ESR1: variants seen among roughly 807,000 people sequenced by gnomAD.
ESR1 encodes estrogen receptor 1, also known as estrogen receptor.
In ESR1, 12 loss-of-function variants were observed where a neutral mutation model predicts 52.7. That is an observed-to-expected ratio of 0.23 (90% CI 0.15 to 0.37). ESR1 has a LOEUF of 0.37. Ranked by LOEUF, ESR1 falls within the 10% of genes least tolerant of loss-of-function variation. The pLI, the probability that ESR1 is intolerant of heterozygous loss-of-function variation, is 1.00. For synonymous variants in ESR1, 305 were observed against 316.8 expected (o/e 0.96, Z 0.39); for missense variants, 584 against 779.7 (o/e 0.75, Z 2.99).
rs533562164 is a variant in ESR1, at chr6:151,730,741, C to T, written c.-71+28736C>T. Among the ~76,000 whole-genome samples, 10 of 152,248 alleles carry T rather than the reference C, an allele frequency of 6.6e-5. No individual in the cohort carries two copies. The East Asian group carries it at 1.4e-3, about 21-fold the overall frequency. Reference sequence around the variant, plus strand: ...TAGGAACTAGACTGCTTGTGCTTCCCGGGCATGCTGAGGTCTCAAGAATAA... The same window carrying T: ...TAGGAACTAGACTGCTTGTGCTTCCTGGGCATGCTGAGGTCTCAAGAATAA... On this transcript the variant is annotated intron_variant, in intron 2 of 2. Coordinates refer to the ESR1 transcript ENST00000404742.
intron 5 of ESR1, among the ~76,000 whole-genome samples, chr6:152,024,519 T>G (rs2043958051): frequency 6.6e-6 from 1 of 151,642 alleles, no homozygotes; most frequent in Admixed American, 6.6e-5. Context: ...AAGGGGTGCC[T>G]TTTCATTTGT....
At chr6:152,111,050 C>T (rs1257485586) in intron 6 of ESR1, among the ~76,000 whole-genome samples, 2 of 152,128 alleles carry the variant, frequency 1.3e-5, no homozygotes, top group African/African-American at 4.8e-5. Context: ...ACCTTGAAGC[C>T]TGCAGCGGTG....
At chr6:151,926,592 A>T (rs191993641) in intron 3 of ESR1, among the ~76,000 whole-genome samples, 1 of 152,130 alleles carries the variant, frequency 6.6e-6, no homozygotes, top group Admixed American at 6.5e-5. Context: ...TTTATATCTT[A>T]GTATTGAATG....
upstream of ESR1, among the ~76,000 whole-genome samples, chr6:151,689,544 T>G (rs1778819655): frequency 6.6e-6 from 1 of 152,264 alleles, no homozygotes; most frequent in Admixed American, 6.5e-5. Flanking sequence ...TGAAGACAGT[T>G]AAGATCATTG....
chr6:151,782,296 A>T lies in ESR1; in HGVS notation c.-70-25547A>T, dbSNP rs544559486. Among the ~76,000 whole-genome samples the T allele has an allele frequency of 3.3e-5, 5 of 152,380 alleles. No homozygotes were observed. The East Asian group carries it at 9.6e-4, about 29-fold the overall frequency. ...AAATATGAAATAGAAAGTGTTAAAA[A>T]TTATAAAGAAACAAGAATGTGTTTT... On this transcript the variant is annotated intron_variant, in intron 2 of 2. Transcript: ENST00000404742.
intron 4 of ESR1, among the ~76,000 whole-genome samples, chr6:151,969,467 G>A (rs746182212): frequency 6.6e-6 from 1 of 152,222 alleles, no homozygotes; most frequent in African/African-American, 2.4e-5. Context: ...GGGAATGTGT[G>A]TGTGTGTGTG....
At chr6:152,022,503 G>C (rs763617251) in intron 5 of ESR1, among the ~76,000 whole-genome samples, 1 of 152,128 alleles carries the variant, frequency 6.6e-6, no homozygotes, top group Non-Finnish European at 1.5e-5. Flanking sequence ...GAACGAATGT[G>C]ATGACTAGAC....
At chr6:151,706,502 T>A (rs1221483587) in intron 2 of ESR1, among the ~76,000 whole-genome samples, 1 of 151,790 alleles carries the variant, frequency 6.6e-6, no homozygotes, top group East Asian at 1.9e-4. Context: ...AGGAGAGAGG[T>A]GGGAGGGAAG....
intron 2 of ESR1, among the ~76,000 whole-genome samples, chr6:151,863,837 C>T (rs1391010853): frequency 6.6e-6 from 1 of 152,134 alleles, no homozygotes; most frequent in East Asian, 1.9e-4. Flanking sequence ...ATAAATAGTG[C>T]TGGGAAAACT....
intron 4 of ESR1, among the ~76,000 whole-genome samples, chr6:152,003,978 A>G (rs139569448): frequency 2.1e-3 from 323 of 152,146 alleles, no homozygotes; most frequent in African/African-American, 7.5e-3. Context: ...AGTAAAGAAC[A>G]ATTTCTCTCT....
intron 2 of ESR1, among the ~76,000 whole-genome samples, chr6:151,762,761 C>G (rs1028927419): frequency 1.2e-4 from 19 of 152,100 alleles, no homozygotes; most frequent in African/African-American, 4.3e-4. Flanking sequence ...GTCAGGGGTT[C>G]AAAGCCAGCC....
intron 2 of ESR1, among the ~76,000 whole-genome samples, chr6:151,729,313 A>C (rs1782071675): frequency 6.6e-6 from 1 of 152,012 alleles, no homozygotes; most frequent in South Asian, 2.1e-4. Context: ...TGGACTTCCC[A>C]GCCTCCAGAA....
chr6:151,684,939 A>G (rs1778597409), intron 1 of ESR1, among the ~76,000 whole-genome samples: 4 of 152,190 alleles, frequency 2.6e-5, no homozygotes, highest in Admixed American at 2.6e-4. Flanking sequence ...TACCTGGTAC[A>G]GGAATTAAGG....
At chr6:151,836,954 C>T (rs1301246177) in intron 1 of ESR1, among the ~76,000 whole-genome samples, 1 of 152,058 alleles carries the variant, frequency 6.6e-6, no homozygotes, top group East Asian at 1.9e-4. Flanking sequence ...TAGCTGGTAT[C>T]GTTATTTATG....
intron 1 of ESR1, among the ~76,000 whole-genome samples, chr6:151,818,863 A>G (rs1021516409): frequency 4.6e-5 from 7 of 152,132 alleles, no homozygotes; most frequent in East Asian, 3.9e-4. Flanking sequence ...TATAATATAC[A>G]TATATCATAT....
chr6:152,028,165 G>A (rs185291901), intron 5 of ESR1, among the ~76,000 whole-genome samples: 238 of 152,076 alleles, frequency 1.6e-3, no homozygotes, highest in African/African-American at 5.3e-3. Context: ...AATAGGGGGC[G>A]GTTCCAAGAT....
At chr6:151,725,883 T>A (rs1261746451) in intron 2 of ESR1, among the ~76,000 whole-genome samples, 1 of 152,192 alleles carries the variant, frequency 6.6e-6, no homozygotes, top group Non-Finnish European at 1.5e-5. Flanking sequence ...ATTAATTACA[T>A]GTGAAAAATT....
intron 3 of ESR1, among the ~76,000 whole-genome samples, chr6:151,887,313 T>C (rs1288512621): frequency 6.6e-6 from 1 of 151,986 alleles, no homozygotes; most frequent in East Asian, 1.9e-4. Flanking sequence ...TATATATTTA[T>C]GATATTGAAA....
intron 4 of ESR1, among the ~76,000 whole-genome samples, chr6:151,950,021 T>C (rs1395471983): frequency 1.3e-5 from 2 of 152,156 alleles, no homozygotes; most frequent in East Asian, 3.9e-4. Context: ...CTTTCCCATG[T>C]TCCTGTGATA....
Sources: gnomAD v4.1 joint callset for allele counts (sites outside exome capture counted in the v4.1 genomes callset) on GRCh38, gnomAD v4.1.1 for gene constraint, MANE v1.5 for transcripts, NCBI Gene and HGNC (gene_info 2026-07-23, HGNC 2026-07-21) for gene names.